CACNA2D3: variants seen among roughly 807,000 people sequenced by gnomAD.
CACNA2D3 encodes the protein voltage-dependent calcium channel subunit alpha-2/delta-3.
Under a neutral mutation model 160.6 loss-of-function variants are expected in CACNA2D3, and 60 were observed. The observed-to-expected ratio is 0.37, with a 90% CI of 0.30 to 0.46. CACNA2D3 has a LOEUF of 0.46. Ranked by LOEUF, CACNA2D3 falls within the 20% of genes least tolerant of loss-of-function variation. The probability of loss-of-function intolerance (pLI) is 1.00; values close to 1 mark genes in which losing one functional copy is unlikely to be tolerated. For missense variants in CACNA2D3, 1,205 were observed against 1,365.0 expected (o/e 0.88, Z 1.85); for synonymous variants, 558 against 492.9 (o/e 1.13, Z -1.75).
chr3:55,009,379 T>C lies in CACNA2D3; in HGVS notation c.2820-9T>C, dbSNP rs1157407765. On this transcript the variant is annotated splice_polypyrimidine_tract_variant and intron_variant, in intron 33 of 37. Coordinates refer to ENST00000474759, the MANE Select transcript of CACNA2D3 (RefSeq NM_018398.3). ...GAAGTAACATTGGGCTTTTCCACGATCTGTTTAGGTTCCTGGTGGAATTTA... is the reference window on the plus strand; with the variant it reads ...GAAGTAACATTGGGCTTTTCCACGACCTGTTTAGGTTCCTGGTGGAATTTA... 4 of 1,613,018 alleles carry C rather than the reference T, an allele frequency of 2.5e-6. No individual in the cohort carries two copies. The South Asian group carries it at 4.4e-5, about 18-fold the overall frequency.
chr3:54,201,627 A>G (rs962287086), intron 2 of CACNA2D3, among the ~76,000 whole-genome samples: 2 of 152,214 alleles, frequency 1.3e-5, no homozygotes, highest in Non-Finnish European at 1.5e-5. Context: ...TTATACCCCA[A>G]ATAAATTCCA....
intron 25 of CACNA2D3, 148 bp downstream of exon 25, chr3:54,891,598 A>T: frequency 1.5e-6 from 1 of 654,312 alleles, no homozygotes; most frequent in South Asian, 1.9e-5. Context: ...TCTCTGTTCT[A>T]CCATGCGGGC....
chr3:54,320,511 GC>G lies in CACNA2D3; in HGVS notation c.275del (p.Ala92GlufsTer27). 1.3e-6 allele frequency: 2 copies of G among 1,569,568 alleles called. No homozygotes were observed. The highest frequency in any genetic ancestry group is 8.6e-7 in the Non-Finnish European group (1 of 1,156,722). On this transcript the variant is annotated frameshift_variant, in exon 3 of 38. Transcript: ENST00000474759. LOFTEE classifies it high-confidence loss of function. ...IDGLQLVKKLAKNMEEMFHKK... is the reference protein window; with the variant it reads ...IDGLQLVKKLXKNMEEMFHKK... ...TGGCCTCCAACTGGTAAAGAAGCTG[GC>G]AAAGAACATGGAAGAGATGTTTCAC...
At chr3:54,197,594 G>A (rs1701104740) in intron 2 of CACNA2D3, 1 of 152,190 alleles carries the variant, frequency 6.6e-6, no homozygotes. Flanking sequence ...ATGACTTGCA[G>A]GTAAAATTCC....
chr3:54,928,059 C>A, intron 27 of CACNA2D3: 1 of 717,154 alleles, frequency 1.4e-6, no homozygotes, highest in Non-Finnish European at 2.4e-6. Flanking sequence ...ATGCAGAAAA[C>A]AGTTGTTGCT....
intron 2 of CACNA2D3, among the ~76,000 whole-genome samples, chr3:54,268,533 C>T (rs1025607977): frequency 3.9e-5 from 6 of 152,208 alleles, no homozygotes. Context: ...CCTCAGCCTC[C>T]TGTCTAGCTG....
At chr3:54,248,217 A>T (rs1196659565) in intron 2 of CACNA2D3, among the ~76,000 whole-genome samples, 2 of 152,166 alleles carry the variant, frequency 1.3e-5, no homozygotes, top group African/African-American at 2.4e-5. Context: ...CACACCACTC[A>T]TGCCTGTAAT....
chr3:55,004,217 T>C (rs1433162526), intron 31 of CACNA2D3, among the ~76,000 whole-genome samples: 3 of 152,204 alleles, frequency 2.0e-5, no homozygotes, highest in South Asian at 2.1e-4. Flanking sequence ...ACTCTTATGG[T>C]GATGACAATA....
intron 11 of CACNA2D3, among the ~76,000 whole-genome samples, chr3:54,668,199 G>C (rs1373333959): frequency 6.6e-6 from 1 of 152,192 alleles, no homozygotes; most frequent in African/African-American, 2.4e-5. Context: ...TAAGAAGTTA[G>C]ACCTAATTTT....
intron 11 of CACNA2D3, among the ~76,000 whole-genome samples, chr3:54,719,788 G>A (rs1400706578): frequency 6.6e-6 from 1 of 152,008 alleles, no homozygotes; most frequent in Non-Finnish European, 1.5e-5. Context: ...TACTTTGAGG[G>A]AAGATTTTTC....
intron 17 of CACNA2D3, among the ~76,000 whole-genome samples, chr3:54,863,948 T>C (rs899559567): frequency 1.8e-4 from 27 of 152,298 alleles, no homozygotes; most frequent in Non-Finnish European, 3.8e-4. Flanking sequence ...ACCCTTTTTC[T>C]CTGCAGTATA....
intron 9 of CACNA2D3, 131 bp downstream of exon 9, chr3:54,582,008 G>C: frequency 3.1e-6 from 2 of 644,102 alleles, no homozygotes; most frequent in South Asian, 2.2e-5. Flanking sequence ...CCCATGTGTA[G>C]AATATTTATT....
At chr3:54,225,001 C>T (rs991588528) in intron 2 of CACNA2D3, among the ~76,000 whole-genome samples, 4 of 144,118 alleles carry the variant, frequency 2.8e-5, no homozygotes, top group Admixed American at 7.3e-5. Flanking sequence ...ATGCGCATAA[C>T]GTGCAGGTTT....
chr3:54,788,532 G>A (rs1355183990), intron 13 of CACNA2D3, among the ~76,000 whole-genome samples: 4 of 152,186 alleles, frequency 2.6e-5, no homozygotes, highest in Non-Finnish European at 5.9e-5. Context: ...AATGAGGAGT[G>A]GAAAGCCTGG....
At chr3:54,833,354 C>G (rs1703918756) in intron 14 of CACNA2D3, among the ~76,000 whole-genome samples, 3 of 152,146 alleles carry the variant, frequency 2.0e-5, no homozygotes, top group Non-Finnish European at 4.4e-5. Flanking sequence ...TGGGATTTTG[C>G]CCAGATGGAC....
rs1251526593 is a variant in CACNA2D3 at position 54,461,589 on chromosome 3, G to GGT, written c.382-41903_382-41902insGT. Among the ~76,000 whole-genome samples the GGT allele has an allele frequency of 3.3e-5, 5 of 151,466 alleles. 1 individual carries two copies. The highest frequency in any genetic ancestry group is 2.0e-4 in the Admixed American group (3 of 15,230). On this transcript the variant is annotated intron_variant, in intron 4 of 37. Transcript: ENST00000474759. ...AGAGGTGTTTGTAGTATTCTCTCAT[G>GGT]ATAGTTTGTATTTCTGTGGAATCGG...
intron 4 of CACNA2D3, among the ~76,000 whole-genome samples, chr3:54,475,801 G>A (rs149501262): frequency 1.3e-3 from 185 of 147,286 alleles, no homozygotes; most frequent in African/African-American, 4.5e-3. Context: ...TTCTCACATG[G>A]TTACCATTTG....
intron 2 of CACNA2D3, among the ~76,000 whole-genome samples, chr3:54,292,926 G>A (rs145717491): frequency 1.2e-4 from 18 of 152,282 alleles, no homozygotes; most frequent in African/African-American, 3.8e-4. Context: ...GAAACAGCCC[G>A]AATGTGCATC....
At chr3:54,283,247 A>T (rs1702923532) in intron 2 of CACNA2D3, among the ~76,000 whole-genome samples, 1 of 152,178 alleles carries the variant, frequency 6.6e-6, no homozygotes, top group Admixed American at 6.5e-5. Flanking sequence ...CTACTTTCTG[A>T]TCCTGGCAGG....
Sources: allele counts gnomAD v4.1 joint callset (sites outside exome capture counted in the v4.1 genomes callset), GRCh38; gene constraint gnomAD v4.1.1; transcripts MANE v1.5; gene names NCBI Gene and HGNC (gene_info 2026-07-23, HGNC 2026-07-21).